NHSL1: variants seen among roughly 807,000 people sequenced by gnomAD.
NHSL1 encodes NHS like 1, also known as NHS-like protein 1.
NHSL1 carries 48 observed loss-of-function variants against 95.0 expected under a neutral mutation model. The observed-to-expected ratio is 0.51, with a 90% CI of 0.40 to 0.64. The LOEUF (loss-of-function observed/expected upper bound fraction) is 0.64. NHSL1 is among the 30% of genes least tolerant of loss of function. The pLI is 0.00. For missense variants in NHSL1, 1,971 were observed against 2,077.7 expected (o/e 0.95, Z 1.00); for synonymous variants, 783 against 833.9 (o/e 0.94, Z 1.05).
intron 4 of NHSL1, among the ~76,000 whole-genome samples, chr6:138,444,975 CTCTT>C (rs1776768007): frequency 6.6e-6 from 1 of 152,152 alleles, no homozygotes; most frequent in African/African-American, 2.4e-5. Context: ...ACTCATACTG[CTCTT>C]TCTTTATTGT....
chr6:138,459,896 G>A (rs1004507562), intron 3 of NHSL1, among the ~76,000 whole-genome samples: 9 of 151,906 alleles, frequency 5.9e-5, no homozygotes, highest in African/African-American at 9.7e-5. Flanking sequence ...CATTGCTATC[G>A]GAATAAACCC....
intron 1 of NHSL1, among the ~76,000 whole-genome samples, chr6:138,608,885 C>T (rs542618972): frequency 2.2e-4 from 34 of 152,296 alleles, no homozygotes; most frequent in South Asian, 1.0e-3. Flanking sequence ...GACATTTACA[C>T]GACAGGAACA....
chr6:138,496,250 T>C lies in NHSL1; in HGVS notation c.180A>G (p.Gln60=), dbSNP rs1332467910. 5 of 1,551,008 alleles carry C rather than the reference T, an allele frequency of 3.2e-6. No individual in the cohort carries two copies. Among genetic ancestry groups the C allele is most frequent in the Non-Finnish European group, 4.4e-6 (5 of 1,146,802 alleles). ...GTACTGATTTGAGGTTGAGCTTGGC[T>C]TGGCGGTGCAGGTCCTCAACACAGG... is the stretch of plus-strand genomic sequence containing the variant. ...RPPCVEDLHR[Q]AKLNLKSVLR... The change falls in exon 2 of 8, where the codon CAA becomes CAG. Residue 60 remains glutamine, a synonymous_variant. Transcript: ENST00000343505.
In NHSL1 at chr6:138,429,733, C is replaced by A. The variant is rs1775500586; in HGVS notation, c.4063G>T (p.Asp1355Tyr). 6.4e-7 allele frequency: 1 copy of A among 1,551,668 alleles called. No homozygotes were observed. Among genetic ancestry groups the A allele is most frequent in the Non-Finnish European group, 8.7e-7 (1 of 1,146,936 alleles). ...MTPSRPRTTEDLFAAIHRSKR... is the reference protein window; with the variant it reads ...MTPSRPRTTEYLFAAIHRSKR... ...TACCTGTGAATAGCTGCAAAAAGGT[C>A]TTCTGTGGTCCTGGGTCGACTGGGG... Residue 1355 changes from aspartate (D) to tyrosine (Y), a missense_variant, in exon 7 of 8, where the codon GAC becomes TAC. By Grantham distance (160) the Asp-to-Tyr change is radical. Transcript: ENST00000343505.
intron 2 of NHSL1, 29 bp downstream of exon 2, chr6:138,496,190 A>G: frequency 6.5e-7 from 1 of 1,550,162 alleles, no homozygotes; most frequent in Non-Finnish European, 8.7e-7. Flanking sequence ...TAACCCAAGA[A>G]AATAAGCTCA....
At chr6:138,606,962 T>C (rs7744566) in intron 1 of NHSL1, among the ~76,000 whole-genome samples, 3,762 of 152,100 alleles carry the variant, frequency 0.025, 153 homozygotes, top group African/African-American at 0.086. Context: ...CTCAGCCTCC[T>C]GAAAGTGCTG....
intron 1 of NHSL1, among the ~76,000 whole-genome samples, chr6:138,671,183 G>A (rs940741054): frequency 3.9e-5 from 6 of 151,956 alleles, no homozygotes; most frequent in Middle Eastern, 3.2e-3. Context: ...TAGGTCGGGC[G>A]TGGTGGCTCA....
At chr6:138,450,766 T>C (rs1777178382) in intron 3 of NHSL1, among the ~76,000 whole-genome samples, 1 of 152,156 alleles carries the variant, frequency 6.6e-6, no homozygotes, top group African/African-American at 2.4e-5. Context: ...CTGTTAGGTC[T>C]CACAATCTAC....
At chr6:138,613,261 C>T (rs536153796) in intron 1 of NHSL1, among the ~76,000 whole-genome samples, 6 of 152,308 alleles carry the variant, frequency 3.9e-5, no homozygotes, top group East Asian at 1.9e-4. Context: ...AAAGTTTTCA[C>T]GGTTTCTGAT....
rs1474617834 is a variant in NHSL1 at position 138,534,302 on chromosome 6, G to A, written c.16+11321C>T. Among the ~76,000 whole-genome samples, 4 of 152,082 alleles carry A rather than the reference G, an allele frequency of 2.6e-5. No individual in the cohort carries two copies. In the East Asian group the frequency reaches 7.7e-4, roughly 29 times the overall value. ...TCAAGTTAATGAACTTAGCCCTCAAGGAGCTTACAATCTAGTCGTCAAAGC... is the reference window on the plus strand; with the variant it reads ...TCAAGTTAATGAACTTAGCCCTCAAAGAGCTTACAATCTAGTCGTCAAAGC... On this transcript the variant is annotated intron_variant, in intron 1 of 4. Coordinates refer to the NHSL1 transcript ENST00000342260.
chr6:138,657,238 C>T (rs1044241256), intron 1 of NHSL1, among the ~76,000 whole-genome samples: 9 of 152,226 alleles, frequency 5.9e-5, no homozygotes, highest in Non-Finnish European at 1.3e-4. Flanking sequence ...CAGGACCTGG[C>T]TCCTCCTATT....
intron 1 of NHSL1, among the ~76,000 whole-genome samples, chr6:138,609,533 G>A (rs371553439): frequency 1.3e-5 from 2 of 152,038 alleles, no homozygotes; most frequent in African/African-American, 2.4e-5. Context: ...GGCGGATCAC[G>A]AGGTCAAGAG....
At chr6:138,647,168 T>C (rs945030490) in intron 1 of NHSL1, among the ~76,000 whole-genome samples, 4 of 152,206 alleles carry the variant, frequency 2.6e-5, no homozygotes, top group Non-Finnish European at 4.4e-5. Flanking sequence ...TATATTTTGT[T>C]CTGTAGTTTC....
chr6:138,592,894 A>G (rs1423033172), intron 1 of NHSL1, among the ~76,000 whole-genome samples: 3 of 152,208 alleles, frequency 2.0e-5, no homozygotes, highest in Non-Finnish European at 4.4e-5. Context: ...ATATCATTCT[A>G]TATACCAAAT....
At chr6:138,456,003 T>A (rs999814796) in intron 3 of NHSL1, among the ~76,000 whole-genome samples, 14 of 152,228 alleles carry the variant, frequency 9.2e-5, no homozygotes, top group African/African-American at 3.4e-4. Context: ...CTTATCATCA[T>A]CATCTGAGCA....
rs537243738 is a variant in NHSL1, at chr6:138,484,299, T to A, written c.212-10866A>T. ...GGGGAGTAAGATGTAAGAGAGGAGG[T>A]GGTGACAGAATGCTACCTTTGAAAT... On this transcript the variant is annotated intron_variant, in intron 2 of 7. Coordinates refer to ENST00000343505, the MANE Select transcript of NHSL1 (RefSeq NM_001144060.2). Among the ~76,000 whole-genome samples the A allele has an allele frequency of 5.9e-5, 9 of 151,938 alleles. No homozygotes were observed. In the South Asian group the frequency reaches 1.7e-3, roughly 28 times the overall value.
intron 1 of NHSL1, among the ~76,000 whole-genome samples, chr6:138,587,073 A>G (rs1784146422): frequency 6.6e-6 from 1 of 151,372 alleles, no homozygotes; most frequent in African/African-American, 2.4e-5. Flanking sequence ...CCTAGGTTCA[A>G]GCGATTCTCC....
chr6:138,617,713 T>TC (rs1784599684), intron 1 of NHSL1, among the ~76,000 whole-genome samples: 1 of 152,194 alleles, frequency 6.6e-6, no homozygotes, highest in Non-Finnish European at 1.5e-5. Context: ...TTGACAGAGC[T>TC]TCTGAGAAGG....
intron 1 of NHSL1, among the ~76,000 whole-genome samples, chr6:138,657,345 T>G (rs1264738320): frequency 6.6e-6 from 1 of 152,218 alleles, no homozygotes; most frequent in African/African-American, 2.4e-5. Context: ...CATTTATATT[T>G]CATTTCTCAT....
Sources: allele counts gnomAD v4.1 joint callset (sites outside exome capture counted in the v4.1 genomes callset), GRCh38; gene constraint gnomAD v4.1.1; transcripts MANE v1.5; gene names NCBI Gene and HGNC (gene_info 2026-07-23, HGNC 2026-07-21).